NOX4: variants seen among roughly 807,000 people sequenced by gnomAD.
NOX4 encodes the protein kidney oxidase-1.
In NOX4, 69 loss-of-function variants were observed where a neutral mutation model predicts 87.6. That is an observed-to-expected ratio of 0.79 (90% confidence interval 0.65 to 0.96). The LOEUF (loss-of-function observed/expected upper bound fraction) is 0.96, where lower values mean the gene tolerates loss of function less well. NOX4 is among the 40% of genes least tolerant of loss of function. The probability of loss-of-function intolerance (pLI) is 0.00; values close to 1 mark genes in which losing one functional copy is unlikely to be tolerated. For synonymous variants in NOX4, 275 were observed against 238.2 expected, an observed-to-expected ratio of 1.15 and a Z score of -1.42; for missense variants, 680 against 681.5, an observed-to-expected ratio of 1.00 and a Z score of 0.02.
At chr11:89,337,539 G>C (rs1285036686) in intron 15 of NOX4, 24 bp from the exon 16 acceptor site, 1 of 1,607,652 alleles carries the variant, frequency 6.2e-7, no homozygotes, top group Non-Finnish European at 8.5e-7. Context: ...AAAAGGAATA[G>C]ACTTATTACA....
At chr11:89,560,556 G>A in the NOX4 span, among the ~76,000 whole-genome samples, 4 of 152,040 alleles carry the variant, frequency 2.6e-5, no homozygotes, top group Admixed American at 6.6e-5. Context: ...TGTTTCTGAG[G>A]AGATTGGTTC....
At chr11:89,343,733 G>A (rs1178126511) in intron 13 of NOX4, among the ~76,000 whole-genome samples, 1 of 151,980 alleles carries the variant, frequency 6.6e-6, no homozygotes, top group Non-Finnish European at 1.5e-5. Context: ...TATGTAACCA[G>A]ATTGTAGAAA....
chr11:89,355,157 C>G, intron 12 of NOX4, 114 bp from the exon 13 acceptor site: 1 of 714,878 alleles, frequency 1.4e-6, no homozygotes, highest in South Asian at 1.9e-5. Flanking sequence ...ACTGTATATC[C>G]ATCCTTTATT....
chr11:89,569,600 T>A, the NOX4 span, among the ~76,000 whole-genome samples: 1 of 152,156 alleles, frequency 6.6e-6, no homozygotes, highest in South Asian at 2.1e-4. Flanking sequence ...CTAGCAGGAA[T>A]GTAAATTAGT....
the NOX4 span, among the ~76,000 whole-genome samples, chr11:89,551,564 A>G: frequency 2.0e-5 from 3 of 152,172 alleles, no homozygotes; most frequent in African/African-American, 7.2e-5. Flanking sequence ...CTTTGTAGCA[A>G]TTGTGAATGG....
chr11:89,435,641 A>C (rs1944047256), intron 6 of NOX4, among the ~76,000 whole-genome samples: 1 of 152,102 alleles, frequency 6.6e-6, no homozygotes, highest in African/African-American at 2.4e-5. Context: ...AGAACATGAA[A>C]ACATATTGGA....
chr11:89,386,529 C>T (rs1287940874), intron 11 of NOX4, among the ~76,000 whole-genome samples: 4 of 152,082 alleles, frequency 2.6e-5, no homozygotes, highest in Non-Finnish European at 2.9e-5. Flanking sequence ...CATTCTTATG[C>T]CACACTCTAC....
At chr11:89,361,735 G>T (rs1341109486) in intron 12 of NOX4, among the ~76,000 whole-genome samples, 1 of 152,050 alleles carries the variant, frequency 6.6e-6, no homozygotes, top group African/African-American at 2.4e-5. Flanking sequence ...TGCTGTCCTA[G>T]CATCCTGCTC....
intron 17 of NOX4, among the ~76,000 whole-genome samples, chr11:89,335,395 G>A (rs1945659007): frequency 6.6e-6 from 1 of 151,620 alleles, no homozygotes; most frequent in Non-Finnish European, 1.5e-5. Flanking sequence ...ACAATGCAGA[G>A]AGTTTTTTGA....
intron 11 of NOX4, among the ~76,000 whole-genome samples, chr11:89,384,989 C>T (rs1565222188): frequency 6.6e-6 from 1 of 152,154 alleles, no homozygotes; most frequent in Non-Finnish European, 1.5e-5. Flanking sequence ...GCCTAATTGC[C>T]ACTCATTAGC....
the NOX4 span, among the ~76,000 whole-genome samples, chr11:89,516,743 T>G: frequency 6.6e-6 from 1 of 152,080 alleles, no homozygotes; most frequent in African/African-American, 2.4e-5. Flanking sequence ...ATTCTTTCAA[T>G]GCCGGATTTT....
At chr11:89,385,292 T>A (rs1384572198) in intron 11 of NOX4, among the ~76,000 whole-genome samples, 4 of 151,856 alleles carry the variant, frequency 2.6e-5, no homozygotes, top group African/African-American at 9.7e-5. Flanking sequence ...GAAGCTGGAG[T>A]CATTCACTGC....
intron 4 of NOX4, among the ~76,000 whole-genome samples, chr11:89,444,460 A>G (rs1944594937): frequency 8.6e-6 from 1 of 116,816 alleles, no homozygotes; most frequent in Non-Finnish European, 1.6e-5. Flanking sequence ...AGTCAGGGAT[A>G]AGAGAAACAC....
At chr11:89,435,754 T>C (rs994106813) in intron 6 of NOX4, among the ~76,000 whole-genome samples, 48 of 152,144 alleles carry the variant, frequency 3.2e-4, no homozygotes, top group African/African-American at 1.2e-3. Flanking sequence ...ATTATACTCT[T>C]GTTACTGTCC....
At chr11:89,352,694 C>T (rs1937652204) in intron 13 of NOX4, among the ~76,000 whole-genome samples, 1 of 152,144 alleles carries the variant, frequency 6.6e-6, no homozygotes, top group African/African-American at 2.4e-5. Context: ...ACTAGAATTA[C>T]AAGTGGAGCC....
chr11:89,552,027 T>C, the NOX4 span, among the ~76,000 whole-genome samples: 1 of 152,150 alleles, frequency 6.6e-6, no homozygotes, highest in Non-Finnish European at 1.5e-5. Context: ...TAAAAAAGTG[T>C]TACAAAAATA....
At chr11:89,570,878 C>A in the NOX4 span, among the ~76,000 whole-genome samples, 1 of 152,222 alleles carries the variant, frequency 6.6e-6, no homozygotes, top group Admixed American at 6.5e-5. Flanking sequence ...AATACTTTAT[C>A]TTGTCAACAT....
the NOX4 span, among the ~76,000 whole-genome samples, chr11:89,539,315 C>G: frequency 7.2e-5 from 11 of 151,968 alleles, no homozygotes; most frequent in African/African-American, 2.7e-4. Context: ...ACCTGTAGTC[C>G]CAGCTACTTG....
At chr11:89,428,220 C>G (rs376479578) in intron 7 of NOX4, among the ~76,000 whole-genome samples, 5 of 152,090 alleles carry the variant, frequency 3.3e-5, no homozygotes, top group African/African-American at 9.7e-5. Flanking sequence ...CTGAAGGAAG[C>G]ACTAAACATG....
Sources: allele counts gnomAD v4.1 joint callset (sites outside exome capture counted in the v4.1 genomes callset), GRCh38; gene constraint gnomAD v4.1.1; transcripts MANE v1.5; gene names NCBI Gene and HGNC (gene_info 2026-07-23, HGNC 2026-07-21).